GYS1: variants seen among roughly 807,000 people sequenced by gnomAD.
The protein encoded by GYS1 is glycogen synthase 1.
Under a neutral mutation model 89.1 loss-of-function variants are expected in GYS1, and 60 were observed. That is an observed-to-expected ratio of 0.67 (90% CI 0.55 to 0.84). The LOEUF is 0.84. GYS1 is among the 40% of genes least tolerant of loss of function. The pLI, the probability that GYS1 is intolerant of heterozygous loss-of-function variation, is 0.00. For missense variants in GYS1, 888 were observed against 1,003.1 expected, an observed-to-expected ratio of 0.89 and a Z score of 1.55; for synonymous variants, 366 against 401.7, an observed-to-expected ratio of 0.91 and a Z score of 1.06.
intron 2 of GYS1, among the ~76,000 whole-genome samples, chr19:48,990,861 C>T (rs890761957): frequency 2.6e-5 from 4 of 152,208 alleles, no homozygotes; most frequent in African/African-American, 4.8e-5. Context: ...GTGGCCCAAT[C>T]GCAGCTCACT....
At chr19:48,979,413 A>G (rs2038716938) in intron 8 of GYS1, among the ~76,000 whole-genome samples, 1 of 126,366 alleles carries the variant, frequency 7.9e-6, no homozygotes, top group Admixed American at 1.0e-4. Context: ...AGGATGGCGC[A>G]ATCTCGGCCA....
chr19:48,970,939 G>A lies in GYS1; in HGVS notation c.1634C>T (p.Pro545Leu), dbSNP rs1314889558. 1.9e-6 allele frequency: 3 copies of A among 1,612,200 alleles called. No individual in the cohort carries two copies. Among genetic ancestry groups the A allele is most frequent in the Admixed American group, 1.7e-5 (1 of 60,010 alleles). Residue 545 changes from proline (P) to leucine (L), a missense_variant, in exon 13 of 16, where the codon CCC (proline) becomes CTC (leucine). Pro to Leu is a moderately conservative substitution (Grantham distance 98, BLOSUM62 -3). Coordinates refer to ENST00000323798, the MANE Select transcript of GYS1 (RefSeq NM_002103.5). ...GCFMEEHIAD[P>L]SAYGIYILDR... Reference sequence around the variant, plus strand: ...GCCTGGGCGCTGACCGTAAGCTGAGGGGTCTGCGATGTGTTCCTCCATGAA... The same window carrying A: ...GCCTGGGCGCTGACCGTAAGCTGAGAGGTCTGCGATGTGTTCCTCCATGAA...
intron 2 of GYS1, among the ~76,000 whole-genome samples, chr19:48,989,060 C>T (rs1296563692): frequency 1.3e-5 from 2 of 151,918 alleles, no homozygotes; most frequent in African/African-American, 2.4e-5. Flanking sequence ...TCCTTCCTTC[C>T]TTCCTTCCCT....
At chr19:48,990,269 C>T (rs1214266751) in intron 2 of GYS1, among the ~76,000 whole-genome samples, 1 of 151,578 alleles carries the variant, frequency 6.6e-6, no homozygotes, top group Admixed American at 6.6e-5. Context: ...TGGACAACAG[C>T]GTGTCTCTTT....
chr19:48,989,998 T>TGGGGGG (rs998261396), intron 2 of GYS1, among the ~76,000 whole-genome samples: 5 of 49,628 alleles, frequency 1.0e-4, no homozygotes, highest in African/African-American at 5.0e-4. Context: ...GCCCTTTTGC[T>TGGGGGG]GGGGGGGGGG....
intron 5 of GYS1, among the ~76,000 whole-genome samples, chr19:48,984,644 T>G (rs2038813830): frequency 6.6e-6 from 1 of 152,156 alleles, no homozygotes; most frequent in African/African-American, 2.4e-5. Context: ...TCTGCCCGCC[T>G]TGGCCTCCCA....
At chr19:48,986,157 A>C in intron 3 of GYS1, 122 bp from the exon 4 acceptor site, 8 of 860,460 alleles carry the variant, frequency 9.3e-6, no homozygotes, top group Non-Finnish European at 9.4e-6. Context: ...CAGAGTGGGC[A>C]GCGGCCCACT....
chr19:48,975,619 G>A, intron 10 of GYS1, among the ~76,000 whole-genome samples: 1 of 151,860 alleles, frequency 6.6e-6, no homozygotes, highest in Non-Finnish European at 1.5e-5. Context: ...GGGAGTTGTA[G>A]TTTCCTTATG....
intron 8 of GYS1, among the ~76,000 whole-genome samples, chr19:48,979,097 A>G (rs34241448): frequency 0.012 from 1,803 of 152,256 alleles, 12 homozygotes; most frequent in Non-Finnish European, 0.017. Context: ...AAAAGTACAC[A>G]TGGCAAGCCT....
chr19:48,976,867 C>T (rs927149167), intron 10 of GYS1, among the ~76,000 whole-genome samples: 1 of 151,704 alleles, frequency 6.6e-6, no homozygotes, highest in South Asian at 2.1e-4. Flanking sequence ...TAGCTCACTG[C>T]AGCCTTGACC....
chr19:48,979,635 CCT>C (rs1415041483), intron 8 of GYS1, among the ~76,000 whole-genome samples: 4 of 141,164 alleles, frequency 2.8e-5, no homozygotes, highest in Non-Finnish European at 6.1e-5. Context: ...CCGCGCCCAG[CCT>C]CTTTCTTTCT....
Position 48,969,824 on chromosome 19 carries a change from G to A in GYS1, c.1841C>T (p.Ser614Phe). The change falls in exon 15 of 16, where the codon TCC (serine) becomes TTC (phenylalanine). Residue 614 changes from serine to phenylalanine, a missense_variant. By Grantham distance (155) the Ser-to-Phe change is radical (BLOSUM62 -2). Coordinates refer to ENST00000323798, the MANE Select transcript of GYS1 (RefSeq NM_002103.5). Reference sequence around the variant, plus strand: ...GGTGAAGTGCTCTGGAAAGGCCTTGGACAGCGCCATGTGGCGCGCAGACAT... The same window carrying A: ...GGTGAAGTGCTCTGGAAAGGCCTTGAACAGCGCCATGTGGCGCGCAGACAT... ...YYMSARHMALSKAFPEHFTYE... is the reference protein window; with the variant it reads ...YYMSARHMALFKAFPEHFTYE... The A allele has an allele frequency of 1.2e-6, 2 of 1,613,910 alleles. No individual in the cohort carries two copies. The highest frequency in any genetic ancestry group is 1.7e-6 in the Non-Finnish European group (2 of 1,179,946).
chr19:48,989,566 A>G (rs1330931960), intron 2 of GYS1, among the ~76,000 whole-genome samples: 5 of 151,314 alleles, frequency 3.3e-5, no homozygotes, highest in Non-Finnish European at 5.9e-5. Context: ...TGGGATCACG[A>G]GCACGCACCA....
At chr19:48,978,198 G>A (rs1434567598) in intron 8 of GYS1, 41 bp from the exon 9 acceptor site, 1 of 1,481,188 alleles carries the variant, frequency 6.8e-7, no homozygotes, top group Non-Finnish European at 9.4e-7. Flanking sequence ...CACACCAGCT[G>A]CCATTTACTG....
intron 12 of GYS1, among the ~76,000 whole-genome samples, 160 bp downstream of exon 12, chr19:48,974,053 T>C (rs1323234147): frequency 2.0e-5 from 3 of 152,230 alleles, no homozygotes; most frequent in Non-Finnish European, 4.4e-5. Context: ...CATGAGCTAT[T>C]GTATCACAAA....
rs766709034 is a variant in GYS1, at chr19:48,969,122, C to G, written c.*166G>C. 3 of 657,216 alleles carry G rather than the reference C, an allele frequency of 4.6e-6. No homozygotes were observed. Among genetic ancestry groups the G allele is most frequent in the Non-Finnish European group, 7.9e-6 (3 of 381,694 alleles). 40.7% of individuals were successfully genotyped at this position (657,216 alleles called of 1,614,324 possible). ...CTTTGTGGATTCTGGAGTGCAGGAA[C>G]TTGGAAACTGGAGCTGGAGGGGGTG... is the stretch of plus-strand genomic sequence containing the variant. On this transcript the variant is annotated 3_prime_UTR_variant, in exon 16 of 16. Transcript: ENST00000323798.
Position 48,969,402 on chromosome 19 carries a change from G to T in GYS1, c.2100C>A (p.Thr700=). Residue 700 remains threonine (T), a synonymous_variant, in exon 16 of 16, where the codon ACC becomes ACA. Transcript: ENST00000323798. ...APEWPRRASC[T]SSTSGSKRNS... ...TGCGCTTGCTGCCGCTGGTGGAGGA[G>T]GTGCAGGACGCTCGGCGCGGCCACT... 1 of 1,559,188 alleles carries T rather than the reference G, an allele frequency of 6.4e-7. No individual in the cohort carries two copies. Among genetic ancestry groups the T allele is most frequent in the East Asian group, 2.4e-5 (1 of 41,778 alleles).
In GYS1 at chr19:48,974,210, C is replaced by T; in HGVS notation, c.1549+3G>A. ...CACGCTGTCCCCTGCCCACTACACTCACCCGGTGTGTAGCCCCAAGGCTCA... is the reference window on the plus strand; with the variant it reads ...CACGCTGTCCCCTGCCCACTACACTTACCCGGTGTGTAGCCCCAAGGCTCA... On this transcript the variant is annotated splice_donor_region_variant and intron_variant, in intron 12 of 15. Coordinates refer to ENST00000323798, the MANE Select transcript of GYS1 (RefSeq NM_002103.5). 1 of 1,597,602 alleles carries T rather than the reference C, an allele frequency of 6.3e-7. No individual in the cohort carries two copies. Among genetic ancestry groups the T allele is most frequent in the Non-Finnish European group, 8.5e-7 (1 of 1,171,702 alleles).
intron 5 of GYS1, 37 bp downstream of exon 5, chr19:48,985,424 C>G: frequency 6.2e-7 from 1 of 1,608,226 alleles, no homozygotes; most frequent in Non-Finnish European, 8.5e-7. Context: ...CAGCTGCCTA[C>G]CTCATTCACG....
Sources: allele counts gnomAD v4.1 joint callset (sites outside exome capture counted in the v4.1 genomes callset), GRCh38; gene constraint gnomAD v4.1.1; transcripts MANE v1.5; gene names NCBI Gene and HGNC (gene_info 2026-07-23, HGNC 2026-07-21).